Variants in PTPRM observed in about 807,000 individuals in gnomAD.
PTPRM encodes receptor-type tyrosine-protein phosphatase mu.
A neutral mutation model predicts 186.7 loss-of-function variants in PTPRM; 47 were observed. The observed-to-expected ratio is 0.25, with a 90% CI of 0.20 to 0.32. The LOEUF (loss-of-function observed/expected upper bound fraction) is 0.32. Among genes scored for constraint, PTPRM ranks in the 10% least tolerant of loss-of-function variants. The pLI, the probability that PTPRM is intolerant of heterozygous loss-of-function variation, is 1.00. For synonymous variants in PTPRM, 668 were observed against 674.9 expected, an observed-to-expected ratio of 0.99 and a Z score of 0.16; for missense variants, 1,494 against 1,865.0, an observed-to-expected ratio of 0.80 and a Z score of 3.66.
chr18:8,345,408 A>T (rs1568794933), intron 23 of PTPRM, among the ~76,000 whole-genome samples: 1 of 151,976 alleles, frequency 6.6e-6, no homozygotes, highest in African/African-American at 2.4e-5. Flanking sequence ...CCAATAGCAG[A>T]TTTTTTTTGT....
chr18:7,587,764 G>GT (rs1448417017), intron 1 of PTPRM, among the ~76,000 whole-genome samples: 1 of 152,096 alleles, frequency 6.6e-6, no homozygotes, highest in African/African-American at 2.4e-5. Flanking sequence ...ACCCACATAT[G>GT]TATAGTTAAA....
chr18:8,204,608 A>G (rs112342185), intron 14 of PTPRM, among the ~76,000 whole-genome samples: 433 of 152,200 alleles, frequency 2.8e-3, no homozygotes, highest in African/African-American at 9.9e-3. Context: ...AAGGAGTCCT[A>G]TTAGCAAAAG....
At chr18:7,589,805 A>G (rs1482745727) in intron 1 of PTPRM, among the ~76,000 whole-genome samples, 1 of 152,182 alleles carries the variant, frequency 6.6e-6, no homozygotes, top group African/African-American at 2.4e-5. Flanking sequence ...TTGCAAAACC[A>G]TTAGTTTCCC....
At chr18:7,855,381 G>A (rs1014039837) in intron 2 of PTPRM, among the ~76,000 whole-genome samples, 2 of 152,184 alleles carry the variant, frequency 1.3e-5, no homozygotes, top group Non-Finnish European at 2.9e-5. Context: ...TCTCCACTTA[G>A]CACTCCTCTA....
intron 7 of PTPRM, among the ~76,000 whole-genome samples, chr18:7,991,527 A>T (rs1385088055): frequency 6.6e-6 from 1 of 152,216 alleles, no homozygotes; most frequent in African/African-American, 2.4e-5. Flanking sequence ...GCAGTAGCAC[A>T]TAATAGAATC....
At chr18:8,368,209 C>T (rs2095643727) in intron 23 of PTPRM, among the ~76,000 whole-genome samples, 1 of 150,956 alleles carries the variant, frequency 6.6e-6, no homozygotes, top group Admixed American at 6.6e-5. Flanking sequence ...CCCATAAAAG[C>T]ATCTTTGCTA....
intron 22 of PTPRM, among the ~76,000 whole-genome samples, chr18:8,333,015 C>T (rs528116833): frequency 6.6e-6 from 1 of 152,198 alleles, no homozygotes; most frequent in South Asian, 2.1e-4. Context: ...TTTAACAGGC[C>T]AGTTATATTT....
At chr18:8,202,618 CAGGT>C (rs1182988103) in intron 14 of PTPRM, among the ~76,000 whole-genome samples, 1 of 151,620 alleles carries the variant, frequency 6.6e-6, no homozygotes, top group East Asian at 1.9e-4. Context: ...AAGAAATTGG[CAGGT>C]TTCTCACGGA....
chr18:8,307,448 T>C (rs1050991791), intron 20 of PTPRM, among the ~76,000 whole-genome samples: 2 of 152,242 alleles, frequency 1.3e-5, no homozygotes, highest in African/African-American at 4.8e-5. Context: ...GTTCACCTTA[T>C]TTTATCACTA....
chr18:8,105,423 G>A (rs2091471940), intron 11 of PTPRM, among the ~76,000 whole-genome samples: 1 of 152,130 alleles, frequency 6.6e-6, no homozygotes, highest in Non-Finnish European at 1.5e-5. Flanking sequence ...TGGAAACTAA[G>A]TTTGTTCTTT....
intron 14 of PTPRM, among the ~76,000 whole-genome samples, chr18:8,159,746 C>G (rs1184927461): frequency 6.6e-6 from 1 of 152,162 alleles, no homozygotes; most frequent in Non-Finnish European, 1.5e-5. Context: ...CCTATTCTTA[C>G]ATCTAGTCTA....
At chr18:8,236,084 T>C (rs1601391873) in intron 14 of PTPRM, among the ~76,000 whole-genome samples, 2 of 152,322 alleles carry the variant, frequency 1.3e-5, no homozygotes, top group South Asian at 4.1e-4. Flanking sequence ...GTCAGTAATA[T>C]CCAGTTGATT....
At chr18:7,650,854 A>G (rs1178321266) in intron 1 of PTPRM, among the ~76,000 whole-genome samples, 3 of 152,212 alleles carry the variant, frequency 2.0e-5, no homozygotes, top group African/African-American at 7.2e-5. Context: ...ACCTTCTACA[A>G]AAACCAACTC....
chr18:7,774,290 G>C lies in PTPRM; in HGVS notation c.196+19G>C. 5 of 1,612,870 alleles carry C rather than the reference G, an allele frequency of 3.1e-6. No individual in the cohort carries two copies. Among genetic ancestry groups the C allele is most frequent in the Non-Finnish European group, 3.4e-6 (4 of 1,179,382 alleles). On this transcript the variant is annotated intron_variant, in intron 2 of 32. Transcript: ENST00000580170. ...CCATCAGGTTTGCTTTTAGTTTTAA[G>C]TTTTGTTTTAAAGAGGAACACAAGA...
chr18:7,691,217 A>G (rs12326071), intron 1 of PTPRM, among the ~76,000 whole-genome samples: 12,065 of 152,208 alleles, frequency 0.079, 1,589 homozygotes, highest in African/African-American at 0.27. Flanking sequence ...TTGGAAGCAA[A>G]AATTCCAAAA....
intron 7 of PTPRM, among the ~76,000 whole-genome samples, chr18:8,012,760 T>G (rs990436494): frequency 1.3e-5 from 2 of 152,246 alleles, no homozygotes; most frequent in South Asian, 4.1e-4. Context: ...TGTCTGTATA[T>G]TATCTTTGTC....
chr18:8,260,734 C>T (rs1363252931), intron 19 of PTPRM, among the ~76,000 whole-genome samples: 1 of 152,198 alleles, frequency 6.6e-6, no homozygotes, highest in African/African-American at 2.4e-5. Context: ...CTGCAGAGAT[C>T]GCAGTTCTGA....
At chr18:8,357,099 TTG>T (rs977467928) in intron 23 of PTPRM, among the ~76,000 whole-genome samples, 4 of 152,124 alleles carry the variant, frequency 2.6e-5, no homozygotes, top group Non-Finnish European at 5.9e-5. Flanking sequence ...TGAGTGTGGA[TTG>T]TTAAAGGGGA....
chr18:8,185,881 T>C (rs17398963), intron 14 of PTPRM, among the ~76,000 whole-genome samples: 10,964 of 152,170 alleles, frequency 0.072, 488 homozygotes, highest in Middle Eastern at 0.28. Context: ...ATGAAATGTG[T>C]CTCCCAATGT....
Sources: gnomAD v4.1 joint callset for allele counts (sites outside exome capture counted in the v4.1 genomes callset) on GRCh38, gnomAD v4.1.1 for gene constraint, MANE v1.5 for transcripts, NCBI Gene and HGNC (gene_info 2026-07-23, HGNC 2026-07-21) for gene names.